The following SH2B2 variants were observed in gnomAD, a reference collection of about 807,000 sequenced individuals.
The protein encoded by SH2B2 is SH2B adapter protein 2.
Under a neutral mutation model 35.7 loss-of-function variants are expected in SH2B2, and 37 were observed. The observed-to-expected ratio is 1.04, with a 90% CI of 0.80 to 1.36. The LOEUF (loss-of-function observed/expected upper bound fraction) is 1.36. Ranked by LOEUF, SH2B2 falls within the 40% of genes most tolerant of loss-of-function variation. The pLI is 0.00. For synonymous variants in SH2B2, 383 were observed against 376.4 expected (o/e 1.02, Z -0.20); for missense variants, 852 against 817.7 (o/e 1.04, Z -0.51).
intron 4 of SH2B2, among the ~76,000 whole-genome samples, chr7:102,309,848 G>A (rs1304904306): frequency 2.0e-5 from 3 of 152,140 alleles, no homozygotes; most frequent in African/African-American, 7.2e-5. Flanking sequence ...AGCAAAAAGA[G>A]TGGAAATGGA....
intron 1 of SH2B2, among the ~76,000 whole-genome samples, chr7:102,289,697 G>A (rs1214128312): frequency 6.6e-6 from 1 of 152,126 alleles, no homozygotes. Context: ...AGGCAGCTGG[G>A]TGGGATGAGT....
intron 1 of SH2B2, among the ~76,000 whole-genome samples, chr7:102,296,027 T>A (rs1554552463): frequency 6.6e-6 from 1 of 152,054 alleles, no homozygotes. Flanking sequence ...CCTTCCAAAC[T>A]CCCGACTCCC....
At chr7:102,318,840 C>A (rs544818499) in intron 7 of SH2B2, among the ~76,000 whole-genome samples, 1 of 152,314 alleles carries the variant, frequency 6.6e-6, no homozygotes, top group East Asian at 1.9e-4. Flanking sequence ...GTGCTTAAGG[C>A]CATCCCTGGT....
rs1160670463 is a variant in SH2B2, at chr7:102,317,192, CAG to C, written c.1193_1194del (p.Gln398ArgfsTer9). 7 of 1,597,226 alleles carry C rather than the reference CAG, an allele frequency of 4.4e-6. No individual in the cohort carries two copies. Among genetic ancestry groups the C allele is most frequent in the African/African-American group, 1.3e-5 (1 of 74,618 alleles). ...CACTGTCATCCCCACCTCAGGGGAA[CAG>C]GGTGCAGAGACGGATCCCGAGGCTG... ...SGSDSNNTGE[Q>X]GAETDPEAEP... On this transcript the variant is annotated frameshift_variant, in exon 7 of 9. Transcript: ENST00000444095. LOFTEE classifies it high-confidence loss of function.
intron 6 of SH2B2, among the ~76,000 whole-genome samples, chr7:102,315,196 A>G (rs1316614286): frequency 6.7e-6 from 1 of 149,964 alleles, no homozygotes; most frequent in African/African-American, 2.5e-5. Context: ...CTCAAAAAAA[A>G]AAGAAAGAAA....
chr7:102,308,955 T>C (rs782174099), intron 4 of SH2B2, 49 bp downstream of exon 4: 2 of 1,457,450 alleles, frequency 1.4e-6, no homozygotes, highest in Admixed American at 1.7e-5. Context: ...GGGTATATCC[T>C]TGGTCCAGCC....
At chr7:102,308,490 AT>A (rs1793487988) in intron 3 of SH2B2, among the ~76,000 whole-genome samples, 1 of 152,150 alleles carries the variant, frequency 6.6e-6, no homozygotes, top group African/African-American at 2.4e-5. Context: ...TGGGTTGGGG[AT>A]GCTGGGCCAC....
At position 102,297,922 on chromosome 7, in the gene SH2B2, T is replaced by G. The variant is rs1586573581; in HGVS notation, c.-29-2600T>G. On this transcript the variant is annotated intron_variant, in intron 1 of 8. Transcript: ENST00000444095. The surrounding 1 kb of genome is among the most constrained non-coding windows in gnomAD (Gnocchi z 4.3). Reference sequence around the variant, plus strand: ...GAGGGAGTATTGTCATCAGAGGGATTTGTCATTCTCAAGAGTGGTCAGGGA... The same window carrying G: ...GAGGGAGTATTGTCATCAGAGGGATGTGTCATTCTCAAGAGTGGTCAGGGA... Among the ~76,000 whole-genome samples, 1 of 152,084 alleles carries G rather than the reference T, an allele frequency of 6.6e-6. No homozygotes were observed. The highest frequency in any genetic ancestry group is 6.5e-5 in the Admixed American group (1 of 15,284).
intron 7 of SH2B2, among the ~76,000 whole-genome samples, chr7:102,319,298 G>C (rs1554557751): frequency 6.6e-6 from 1 of 152,238 alleles, no homozygotes; most frequent in Admixed American, 6.5e-5. Context: ...CCTCTGTGCT[G>C]TTTCTTTCGG....
intron 1 of SH2B2, among the ~76,000 whole-genome samples, chr7:102,288,525 CTTG>C (rs1197772215): frequency 1.3e-5 from 2 of 152,012 alleles, no homozygotes; most frequent in Non-Finnish European, 2.9e-5. Context: ...TCTTTTTACC[CTTG>C]TTGTGAAAAA....
intron 4 of SH2B2, among the ~76,000 whole-genome samples, chr7:102,313,476 G>C (rs1431821985): frequency 6.6e-6 from 1 of 151,886 alleles, no homozygotes; most frequent in African/African-American, 2.4e-5. Context: ...AAAAAAGATG[G>C]GGGTCTCGCT....
upstream of SH2B2, chr7:102,286,765 A>AGGGGGCGGGC (rs1792464327): frequency 2.3e-5 from 1 of 44,212 alleles, no homozygotes; most frequent in South Asian, 6.5e-4. Flanking sequence ...TGGGGGCGGG[A>AGGGGGCGGGC]GGGGGCGGGG....
At position 102,300,755 on chromosome 7, in the gene SH2B2, T is replaced by C; in HGVS notation, c.205T>C (p.Phe69Leu). 6.5e-7 allele frequency: 1 copy of C among 1,536,780 alleles called. No homozygotes were observed. Among genetic ancestry groups the C allele is most frequent in the Non-Finnish European group, 8.8e-7 (1 of 1,137,368 alleles). ...ASFSRHFAAN[F>L]LDVFGEEVRR... ...CTTCTCCCGCCACTTCGCCGCCAACTTCCTGGACGTCTTCGGCGAGGAGGT... is the reference window on the plus strand; with the variant it reads ...CTTCTCCCGCCACTTCGCCGCCAACCTCCTGGACGTCTTCGGCGAGGAGGT... The change falls in exon 2 of 9, where the codon TTC becomes CTC. Residue 69 changes from phenylalanine (F) to leucine (L), a missense_variant. By Grantham distance (22) the Phe-to-Leu change is conservative (BLOSUM62 0). Transcript: ENST00000444095.
chr7:102,317,115 C>T (rs562241764), intron 6 of SH2B2, 72 bp from the exon 7 acceptor site: 82 of 1,261,422 alleles, frequency 6.5e-5, no homozygotes, highest in Non-Finnish European at 8.2e-5. Flanking sequence ...CGTCACCTCT[C>T]TTCTCACATT....
At chr7:102,320,003 G>A (rs116502823) in intron 7 of SH2B2, among the ~76,000 whole-genome samples, 2,035 of 152,202 alleles carry the variant, frequency 0.013, 13 homozygotes, top group South Asian at 0.035. Context: ...CCCCTCCCTG[G>A]GCCTTGGTTT....
At position 102,309,338 on chromosome 7, in the gene SH2B2, C is replaced by CCT. The variant is rs1197748352; in HGVS notation, c.923+449_923+450dup. On this transcript the variant is annotated intron_variant, in intron 4 of 8. Coordinates refer to ENST00000444095, the MANE Select transcript of SH2B2 (RefSeq NM_001359228.2). ...ACCAGCCTGGGCAACATAGCCAGAC[C>CCT]CTCTCTCTCTCTCTCTCTTTTTTTT... 6.8e-4 allele frequency: 220 copies of CCT among 325,400 alleles called. 3 individuals carry two copies. Among genetic ancestry groups the CCT allele is most frequent in the African/African-American group, 2.5e-3 (106 of 43,118 alleles). 20.2% of individuals were successfully genotyped at this position (325,400 alleles called of 1,614,324 possible). A position where few individuals can be genotyped will look rare whatever the true frequency, so the allele number is the denominator to read the frequency against.
At chr7:102,294,968 C>T (rs923786870) in intron 1 of SH2B2, among the ~76,000 whole-genome samples, 2 of 152,144 alleles carry the variant, frequency 1.3e-5, no homozygotes, top group East Asian at 1.9e-4. Flanking sequence ...CCTCCCAGGC[C>T]AGTCCCTGCC....
chr7:102,288,549 G>A (rs374955803), intron 1 of SH2B2, among the ~76,000 whole-genome samples: 33 of 152,208 alleles, frequency 2.2e-4, no homozygotes, highest in African/African-American at 7.0e-4. Context: ...TCTGTCTGAA[G>A]TTTCTAAATC....
chr7:102,309,776 TTAAA>T (rs1457150406), intron 4 of SH2B2: 3 of 153,924 alleles, frequency 1.9e-5, no homozygotes, highest in African/African-American at 4.8e-5. Flanking sequence ...AACCCAAGGC[TTAAA>T]TAAAGAGTGG....
Sources: gnomAD v4.1 joint callset for allele counts (sites outside exome capture counted in the v4.1 genomes callset) on GRCh38, gnomAD v4.1.1 for gene constraint, Gnocchi (gnomAD v3.1) non-coding constraint, MANE v1.5 for transcripts, NCBI Gene and HGNC (gene_info 2026-07-23, HGNC 2026-07-21) for gene names.